The following CCSER1 variants were observed in gnomAD, a reference collection of about 807,000 sequenced individuals.
CCSER1 encodes the protein serine-rich coiled-coil domain-containing protein 1.
Under a neutral mutation model 82.0 loss-of-function variants are expected in CCSER1, and 41 were observed. The observed-to-expected ratio is 0.50, with a 90% confidence interval of 0.39 to 0.65. CCSER1 has a LOEUF of 0.65. CCSER1 is among the 30% of genes least tolerant of loss of function. The probability of loss-of-function intolerance (pLI) is 0.00; values close to 1 mark genes in which losing one functional copy is unlikely to be tolerated. For synonymous variants in CCSER1, 414 were observed against 383.9 expected (o/e 1.08, Z -0.92); for missense variants, 1,119 against 1,064.2 (o/e 1.05, Z -0.72).
rs574639198 is a variant in CCSER1, at chr4:91,160,039, C to A, written c.2217+74045C>A. ...ATTACGTATTTCTCCTAATGCTATC[C>A]CTCCCCCTGCCCCCACCCCATGACA... On this transcript the variant is annotated intron_variant, in intron 10 of 10. Coordinates refer to ENST00000509176, the MANE Select transcript of CCSER1 (RefSeq NM_001145065.2). 1.3e-5 allele frequency among the ~76,000 whole-genome samples: 2 copies of A among 149,628 alleles called. 1 individual carries two copies. Among genetic ancestry groups the A allele is most frequent in the Non-Finnish European group, 3.0e-5 (2 of 66,164 alleles).
intron 6 of CCSER1, among the ~76,000 whole-genome samples, chr4:90,702,919 A>G (rs947438981): frequency 6.6e-6 from 1 of 152,110 alleles, no homozygotes; most frequent in Non-Finnish European, 1.5e-5. Flanking sequence ...TTTTCAAAAA[A>G]CCAGCTCCTG....
chr4:90,349,262 T>C (rs1384505670), intron 3 of CCSER1, among the ~76,000 whole-genome samples: 2 of 152,172 alleles, frequency 1.3e-5, no homozygotes, highest in African/African-American at 2.4e-5. Context: ...TCAACAGATA[T>C]ATTTACAAAT....
chr4:91,407,854 A>G (rs140804134), intron 10 of CCSER1, among the ~76,000 whole-genome samples: 12 of 152,260 alleles, frequency 7.9e-5, no homozygotes, highest in African/African-American at 2.9e-4. Context: ...CTGGGGATGA[A>G]ATTTCAACAT....
At chr4:91,134,277 G>T (rs947241310) in intron 10 of CCSER1, among the ~76,000 whole-genome samples, 30 of 151,914 alleles carry the variant, frequency 2.0e-4, no homozygotes, top group African/African-American at 6.8e-4. Flanking sequence ...CATGCCTGTA[G>T]TCCTAGCTAC....
chr4:90,433,961 A>G (rs1758667893), intron 4 of CCSER1, among the ~76,000 whole-genome samples: 1 of 151,868 alleles, frequency 6.6e-6, no homozygotes. Flanking sequence ...ATTTTACCAT[A>G]TTCTCTTTAG....
intron 5 of CCSER1, among the ~76,000 whole-genome samples, chr4:90,608,117 G>A (rs1238272045): frequency 6.6e-6 from 1 of 152,132 alleles, no homozygotes; most frequent in East Asian, 1.9e-4. Context: ...ATAAGAACAA[G>A]GCTAGATTAA....
At chr4:91,152,454 T>C (rs1174979350) in intron 10 of CCSER1, among the ~76,000 whole-genome samples, 1 of 152,318 alleles carries the variant, frequency 6.6e-6, no homozygotes, top group South Asian at 2.1e-4. Context: ...TTTACCTTTA[T>C]GTTTATCTTT....
intron 1 of CCSER1, among the ~76,000 whole-genome samples, chr4:90,250,580 C>T (rs1474675326): frequency 1.3e-5 from 2 of 152,022 alleles, no homozygotes; most frequent in Admixed American, 6.6e-5. Context: ...TATATCTGTC[C>T]TTATGCCAGT....
chr4:90,643,788 AGGTTTCTTTG>A (rs1257669359), intron 6 of CCSER1, among the ~76,000 whole-genome samples: 1 of 151,078 alleles, frequency 6.6e-6, no homozygotes, highest in Non-Finnish European at 1.5e-5. Context: ...TAGCAGTCAT[AGGTTTCTTTG>A]GGTGTAATAA....
chr4:90,810,582 T>C (rs1758125115), intron 7 of CCSER1, among the ~76,000 whole-genome samples: 1 of 151,606 alleles, frequency 6.6e-6, no homozygotes, highest in South Asian at 2.1e-4. Context: ...GAGGCAGATG[T>C]TGCGGTGAGC....
intron 8 of CCSER1, among the ~76,000 whole-genome samples, chr4:90,827,745 T>C (rs2149809900): frequency 6.6e-6 from 1 of 152,188 alleles, no homozygotes; most frequent in East Asian, 1.9e-4. Flanking sequence ...AAGAATTTTC[T>C]TTTGCCCTCT....
chr4:90,982,549 TA>T (rs1383558967), intron 9 of CCSER1, among the ~76,000 whole-genome samples: 1 of 151,748 alleles, frequency 6.6e-6, no homozygotes, highest in African/African-American at 2.4e-5. Context: ...TATAGAATGC[TA>T]GATGAGATCC....
chr4:90,721,680 A>G (rs1024698961), intron 6 of CCSER1, among the ~76,000 whole-genome samples: 6 of 151,950 alleles, frequency 3.9e-5, no homozygotes, highest in African/African-American at 1.4e-4. Flanking sequence ...AAAATATGAA[A>G]TATGGATAAG....
At chr4:91,018,061 T>C (rs1310535824) in intron 9 of CCSER1, among the ~76,000 whole-genome samples, 1 of 152,144 alleles carries the variant, frequency 6.6e-6, no homozygotes, top group Admixed American at 6.6e-5. Context: ...AAGTCTCCAG[T>C]ATATTAAACA....
At position 90,738,199 on chromosome 4, in the gene CCSER1, T is replaced by C. The variant is rs550379952; in HGVS notation, c.2010+14208T>C. Among the ~76,000 whole-genome samples the C allele has an allele frequency of 1.4e-3, 216 of 152,158 alleles. 2 individuals carry two copies. Among genetic ancestry groups the C allele is most frequent in the African/African-American group, 4.7e-3 (196 of 41,512 alleles). ...GGTGTCTGGGTATTGAAGAGTTAGG[T>C]ATTTATTGTAGTCTTTGCAGTCTGG... On this transcript the variant is annotated intron_variant, in intron 7 of 10. Coordinates refer to ENST00000509176, the MANE Select transcript of CCSER1 (RefSeq NM_001145065.2).
At chr4:91,538,187 T>C (rs534058634) in intron 10 of CCSER1, among the ~76,000 whole-genome samples, 1 of 152,056 alleles carries the variant, frequency 6.6e-6, no homozygotes, top group Admixed American at 6.6e-5. Flanking sequence ...AACATTCGTA[T>C]GTATGAGGAA....
intron 3 of CCSER1, among the ~76,000 whole-genome samples, chr4:90,392,748 G>C (rs1435663386): frequency 3.9e-5 from 6 of 152,124 alleles, no homozygotes; most frequent in Admixed American, 3.3e-4. Flanking sequence ...GATGTATTTT[G>C]AGTTACTCAA....
intron 10 of CCSER1, among the ~76,000 whole-genome samples, chr4:91,182,571 AG>A: frequency 6.6e-6 from 1 of 152,190 alleles, no homozygotes; most frequent in Admixed American, 6.5e-5. Flanking sequence ...CTTGTCCTTG[AG>A]AATTGTATGG....
chr4:90,445,279 G>A (rs987866489), intron 4 of CCSER1, among the ~76,000 whole-genome samples: 6 of 151,980 alleles, frequency 3.9e-5, no homozygotes, highest in Non-Finnish European at 8.8e-5. Context: ...TCATGTCAAA[G>A]AATTTAAATA....
Sources: gnomAD v4.1 joint callset for allele counts (sites outside exome capture counted in the v4.1 genomes callset) on GRCh38, gnomAD v4.1.1 for gene constraint, MANE v1.5 for transcripts, NCBI Gene and HGNC (gene_info 2026-07-23, HGNC 2026-07-21) for gene names.